The following LRP1 variants were observed in gnomAD, a reference collection of about 807,000 sequenced individuals.
LRP1 encodes the protein LDL receptor related protein 1.
A neutral mutation model predicts 541.5 loss-of-function variants in LRP1; 51 were observed. That is an observed-to-expected ratio of 0.09 (90% CI 0.08 to 0.12). LRP1 has a LOEUF of 0.12. Among genes scored for constraint, LRP1 ranks in the 10% least tolerant of loss-of-function variants. The pLI is 1.00. For synonymous variants in LRP1, 2,219 were observed against 2,470.8 expected (o/e 0.90, Z 3.02); for missense variants, 3,878 against 6,376.2 (o/e 0.61, Z 13.34).
At chr12:57,171,070 G>T (rs2035935745) in intron 20 of LRP1, among the ~76,000 whole-genome samples, 1 of 152,162 alleles carries the variant, frequency 6.6e-6, no homozygotes, top group Non-Finnish European at 1.5e-5. Context: ...AGGGTGAGGG[G>T]CACAGGTGAT....
rs746264428 is a variant in LRP1 at position 57,196,056 on chromosome 12, C to A, written c.8702-31C>A. On this transcript the variant is annotated intron_variant, in intron 54 of 88. Coordinates refer to ENST00000243077, the MANE Select transcript of LRP1 (RefSeq NM_002332.3). The stretch of plus-strand genomic sequence containing the variant: ...CCCCCTCCCCAGACTGCCTGAGACC[C>A]CGCTGACCTGCCGCCTCCGCCCCTC... The A allele has an allele frequency of 3.7e-6, 6 of 1,610,348 alleles. No homozygotes were observed. In the Admixed American group the frequency reaches 1.0e-4, roughly 27 times the overall value.
intron 1 of LRP1, among the ~76,000 whole-genome samples, chr12:57,131,477 A>G (rs1451430784): frequency 1.3e-5 from 2 of 151,834 alleles, no homozygotes; most frequent in African/African-American, 4.8e-5. Flanking sequence ...CTTTTTCCTG[A>G]CCTTCCTCCA....
At position 57,178,719 on chromosome 12, in the gene LRP1, G is replaced by T; in HGVS notation, c.4606+116G>T. The T allele has an allele frequency of 6.5e-7, 1 of 1,537,656 alleles. No homozygotes were observed. The highest frequency in any genetic ancestry group is 1.2e-5 in the South Asian group (1 of 81,576). ...AACAGGAGCAAGTCTGTGCTGGGAT[G>T]GCAGGGGTAGGCCGGCTGTTGACAG... On this transcript the variant is annotated intron_variant, in intron 27 of 88. Coordinates refer to ENST00000243077, the MANE Select transcript of LRP1 (RefSeq NM_002332.3). The surrounding 1 kb of genome is among the most constrained non-coding windows in gnomAD (Gnocchi z 5.8).
At chr12:57,166,395 A>C (rs1441778288) in intron 17 of LRP1, 186 bp downstream of exon 17, 2 of 719,994 alleles carry the variant, frequency 2.8e-6, no homozygotes, top group African/African-American at 1.8e-5. Context: ...CACTCTTTAC[A>C]AAAAAAATTT....
chr12:57,195,801 G>C, intron 53 of LRP1, 21 bp downstream of exon 53: 1 of 1,614,106 alleles, frequency 6.2e-7, no homozygotes, highest in Non-Finnish European at 8.5e-7. Flanking sequence ...GGCGGTGGTG[G>C]GAGGAGGCCC....
chr12:57,208,880 G>T, intron 78 of LRP1, 63 bp downstream of exon 78: 3 of 1,382,678 alleles, frequency 2.2e-6, no homozygotes, highest in Non-Finnish European at 3.1e-6. Context: ...GAGCCCAGCT[G>T]CTGCTGAAGT....
At chr12:57,174,733 C>A (rs1188240923) in intron 22 of LRP1, among the ~76,000 whole-genome samples, 1 of 152,224 alleles carries the variant, frequency 6.6e-6, no homozygotes, top group Admixed American at 6.5e-5. Flanking sequence ...CCACTGCACT[C>A]CAGCCTGGGC....
At position 57,211,656 on chromosome 12, in the gene LRP1, C is replaced by T; in HGVS notation, c.13193+68C>T. On this transcript the variant is annotated intron_variant, in intron 85 of 88. Coordinates refer to ENST00000243077, the MANE Select transcript of LRP1 (RefSeq NM_002332.3). The surrounding 1 kb of genome is among the most constrained non-coding windows in gnomAD (Gnocchi z 4.3). ...CCTTCCCCAGATTTGAGCAGGAGGA[C>T]CGTCAGGCCTCAGTGCCCACCCCCC... is the stretch of plus-strand genomic sequence containing the variant. 1 of 1,596,032 alleles carries T rather than the reference C, an allele frequency of 6.3e-7. No homozygotes were observed. Among genetic ancestry groups the T allele is most frequent in the South Asian group, 1.1e-5 (1 of 90,610 alleles).
intron 34 of LRP1, among the ~76,000 whole-genome samples, chr12:57,182,185 T>A (rs918729623): frequency 6.6e-6 from 1 of 152,074 alleles, no homozygotes. Context: ...AAGGGAGGAT[T>A]CTGAGGTGCA....
intron 2 of LRP1, among the ~76,000 whole-genome samples, chr12:57,139,642 C>G (rs1008473790): frequency 6.6e-6 from 1 of 152,148 alleles, no homozygotes; most frequent in African/African-American, 2.4e-5. Context: ...CACACTCATA[C>G]CCCCCGGACT....
intron 2 of LRP1, among the ~76,000 whole-genome samples, 177 bp downstream of exon 2, chr12:57,138,758 G>T (rs2035226400): frequency 1.3e-5 from 2 of 152,196 alleles, no homozygotes. Flanking sequence ...GCTTGGCATG[G>T]TGCCTGTTGG....
At position 57,193,644 on chromosome 12, in the gene LRP1, C is replaced by A; in HGVS notation, c.7763C>A (p.Ala2588Asp). 6.2e-7 allele frequency: 1 copy of A among 1,614,194 alleles called. No individual in the cohort carries two copies. Residue 2588 changes from alanine to aspartate, a missense_variant, in exon 47 of 89, where the codon GCC (alanine) becomes GAC (aspartate). Ala to Asp is a moderately radical substitution (Grantham distance 126). This residue lies in a region of LRP1 where 1,100 missense variants were observed against 1,827.4 expected (regional missense o/e 0.60). Coordinates refer to ENST00000243077, the MANE Select transcript of LRP1 (RefSeq NM_002332.3). ...TCCAACATGCTGTGGTGCAACGGGG[C>A]CGACGACTGTGGGGATGGCTCTGAC... The part of the protein sequence containing the change: ...CVSNMLWCNG[A>D]DDCGDGSDEI...
intron 17 of LRP1, chr12:57,166,415 G>T: frequency 1.7e-6 from 1 of 605,912 alleles, no homozygotes; most frequent in Non-Finnish European, 2.8e-6. Flanking sequence ...TAAAAAAACT[G>T]CCGGGCGTGG....
rs1437942919 is a variant in LRP1 at position 57,179,493 on chromosome 12, C to T, written c.4903C>T (p.Arg1635Trp). The change falls in exon 29 of 89, where the codon CGG becomes TGG. Residue 1635 changes from arginine to tryptophan, a missense_variant. Around this residue, in one of 13 missense-constraint regions of LRP1, gnomAD observed 394 missense variants for 635.9 expected, o/e 0.62. Transcript: ENST00000243077. This position sits in a 1 kb window ranked among gnomAD's most constrained non-coding sequence, Gnocchi z 6.8. ...REQRVYWSDV[R>W]TQAIKRAFIN... is the part of the protein sequence containing the mutation. ...GCAGCGTGTGTACTGGTCTGACGTG[C>T]GGACACAGGCCATCAAGCGGGCCTT... 4.3e-6 allele frequency: 7 copies of T among 1,614,098 alleles called. No homozygotes were observed. The highest frequency in any genetic ancestry group is 1.7e-5 in the Admixed American group (1 of 60,012).
At chr12:57,151,880 C>A (rs899741498) in intron 6 of LRP1, among the ~76,000 whole-genome samples, 1 of 152,096 alleles carries the variant, frequency 6.6e-6, no homozygotes, top group African/African-American at 2.4e-5. Context: ...TAATGTGGTG[C>A]AGGGGGTTGG....
chr12:57,179,088 T>G lies in LRP1; in HGVS notation c.4738+67T>G, dbSNP rs976202423. The G allele has an allele frequency of 3.2e-6, 5 of 1,563,232 alleles. No homozygotes were observed. The East Asian group carries it at 1.1e-4, about 35-fold the overall frequency. On this transcript the variant is annotated intron_variant, in intron 28 of 88. Transcript: ENST00000243077. The surrounding 1 kb of genome is among the most constrained non-coding windows in gnomAD (Gnocchi z 6.8). Reference sequence around the variant, plus strand: ...GGAGGGAAGGCCGCAGGCCCCAGGATCCCGGTTGTCAGCTAAGGCAGAGTC... The same window carrying G: ...GGAGGGAAGGCCGCAGGCCCCAGGAGCCCGGTTGTCAGCTAAGGCAGAGTC...
chr12:57,196,384 G>C, intron 55 of LRP1, 107 bp downstream of exon 55: 1 of 1,129,452 alleles, frequency 8.9e-7, no homozygotes, highest in South Asian at 1.7e-5. Flanking sequence ...GGATACAGCA[G>C]TGAATGAGAC....
chr12:57,175,738 C>A, intron 23 of LRP1, 33 bp downstream of exon 23: 1 of 1,549,216 alleles, frequency 6.5e-7, no homozygotes. Flanking sequence ...TGGGGCAGGC[C>A]GAGGCAGGCC....
Position 57,179,261 on chromosome 12 carries a change from C to A in LRP1, c.4739-68C>A. On this transcript the variant is annotated intron_variant, in intron 28 of 88. Transcript: ENST00000243077. This position sits in a 1 kb window ranked among gnomAD's most constrained non-coding sequence, Gnocchi z 6.8. ...CAGACGGATCCAGAAGAAGGCAGGG[C>A]CTGAAACCGGATTGGTGGGAAGCAC... 2 of 1,326,014 alleles carry A rather than the reference C, an allele frequency of 1.5e-6. No homozygotes were observed. The highest frequency in any genetic ancestry group is 2.1e-6 in the Non-Finnish European group (2 of 936,196). The allele number at this position is 1,326,014 out of a possible 1,614,324, so 82.1% of individuals were successfully genotyped here.
Sources: allele counts gnomAD v4.1 joint callset (sites outside exome capture counted in the v4.1 genomes callset), GRCh38; gene constraint gnomAD v4.1.1; regional missense constraint gnomAD v4.1.1; non-coding constraint Gnocchi (gnomAD v3.1); transcripts MANE v1.5; gene names NCBI Gene and HGNC (gene_info 2026-07-23, HGNC 2026-07-21).